The following UHRF2 variants were observed in gnomAD, a reference collection of about 807,000 sequenced individuals.
UHRF2 encodes the protein ubiquitin like with PHD and ring finger domains 2, also known as E3 ubiquitin-protein ligase UHRF2.
In UHRF2, 23 loss-of-function variants were observed where a neutral mutation model predicts 96.8. The observed-to-expected ratio is 0.24, with a 90% CI of 0.17 to 0.34. UHRF2 has a LOEUF of 0.34. Among genes scored for constraint, UHRF2 ranks in the 10% least tolerant of loss-of-function variants. UHRF2 has a pLI of 1.00. For missense variants in UHRF2, 685 were observed against 981.5 expected, an observed-to-expected ratio of 0.70 and a Z score of 4.04; for synonymous variants, 385 against 332.6, an observed-to-expected ratio of 1.16 and a Z score of -1.72.
At chr9:6,452,774 GC>G (rs1263199304) in intron 3 of UHRF2, among the ~76,000 whole-genome samples, 1 of 152,186 alleles carries the variant, frequency 6.6e-6, no homozygotes, top group African/African-American at 2.4e-5. Flanking sequence ...CATTTTGGAT[GC>G]TTTGCATTTG....
At chr9:6,451,414 T>C (rs566176526) in intron 3 of UHRF2, among the ~76,000 whole-genome samples, 2 of 152,270 alleles carry the variant, frequency 1.3e-5, no homozygotes, top group East Asian at 3.9e-4. Flanking sequence ...CTAAGAGAAA[T>C]TGAGCTTCCA....
intron 13 of UHRF2, 36 bp downstream of exon 13, chr9:6,499,967 A>G: frequency 7.0e-7 from 1 of 1,431,442 alleles, no homozygotes; most frequent in Non-Finnish European, 9.7e-7. Flanking sequence ...TAATAATAAC[A>G]TACTTTTGTT....
intron 3 of UHRF2, among the ~76,000 whole-genome samples, chr9:6,452,701 A>G (rs1236865188): frequency 6.6e-6 from 1 of 152,208 alleles, no homozygotes; most frequent in East Asian, 1.9e-4. Flanking sequence ...TACACTTCTA[A>G]GAGCATGAAG....
At chr9:6,420,421 A>G (rs1819861350) in intron 1 of UHRF2, among the ~76,000 whole-genome samples, 2 of 5,466 alleles carry the variant, frequency 3.7e-4, no homozygotes, top group South Asian at 0.019. Flanking sequence ...TTAAGAATTT[A>G]TGGCCGGGTG....
chr9:6,496,507 C>T (rs1032045209), intron 10 of UHRF2: 2 of 152,122 alleles, frequency 1.3e-5, no homozygotes. Context: ...GTACTACTTC[C>T]AATTCAGTGT....
At chr9:6,497,429 A>T (rs1468656198) in intron 11 of UHRF2, 69 bp downstream of exon 11, 6 of 1,561,540 alleles carry the variant, frequency 3.8e-6, no homozygotes, top group African/African-American at 2.7e-5. Context: ...TGTTGCAAGG[A>T]ACTACTGTGG....
rs572109414 is a variant in UHRF2, at chr9:6,488,398, T to C, written c.1497+1473T>C. The stretch of plus-strand genomic sequence containing the variant: ...TAGTACAATATCAGAACCAGGATAT[T>C]GACACTATACAGTCAGGCTGAACAT... On this transcript the variant is annotated intron_variant, in intron 9 of 15. Coordinates refer to ENST00000276893, the MANE Select transcript of UHRF2 (RefSeq NM_152896.3). Among the ~76,000 whole-genome samples, 476 of 150,896 alleles carry C rather than the reference T, an allele frequency of 3.2e-3. 1 individual carries two copies. The highest frequency in any genetic ancestry group is 5.2e-3 in the Non-Finnish European group (351 of 67,838).
Position 6,483,142 on chromosome 9 carries a change from A to G in UHRF2, c.1392+1043A>G, listed in dbSNP as rs945075615. Reference sequence around the variant, plus strand: ...GGAATTCAAAACCAGCCTCGCCAACATGGTGAGACCCATCTCTACTAAAAA... The same window carrying G: ...GGAATTCAAAACCAGCCTCGCCAACGTGGTGAGACCCATCTCTACTAAAAA... On this transcript the variant is annotated intron_variant, in intron 8 of 15. Coordinates refer to ENST00000276893, the MANE Select transcript of UHRF2 (RefSeq NM_152896.3). Among the ~76,000 whole-genome samples the G allele has an allele frequency of 4.0e-5, 6 of 151,746 alleles. No individual in the cohort carries two copies. The South Asian group carries it at 8.3e-4, about 21-fold the overall frequency.
chr9:6,471,463 G>C (rs1418492112), intron 4 of UHRF2, among the ~76,000 whole-genome samples: 1 of 152,104 alleles, frequency 6.6e-6, no homozygotes, highest in Non-Finnish European at 1.5e-5. Flanking sequence ...AATAGAATAT[G>C]GTGTAAGTGA....
intron 3 of UHRF2, among the ~76,000 whole-genome samples, chr9:6,450,545 T>C (rs1273839202): frequency 6.6e-6 from 1 of 152,208 alleles, no homozygotes; most frequent in Non-Finnish European, 1.5e-5. Flanking sequence ...ATAATACTTT[T>C]CTGTGGTAAG....
intron 8 of UHRF2, among the ~76,000 whole-genome samples, chr9:6,482,793 TC>T (rs1305576088): frequency 2.0e-5 from 3 of 152,088 alleles, no homozygotes; most frequent in African/African-American, 7.2e-5. Context: ...AGACGAGGTT[TC>T]ACCGTGTTAG....
At chr9:6,482,893 A>G (rs1824008002) in intron 8 of UHRF2, among the ~76,000 whole-genome samples, 1 of 152,078 alleles carries the variant, frequency 6.6e-6, no homozygotes, top group African/African-American at 2.4e-5. Context: ...CCTGGCTTTA[A>G]TTTTTATATT....
chr9:6,460,887 G>C (rs1399346091), intron 4 of UHRF2, 96 bp downstream of exon 4: 1 of 990,446 alleles, frequency 1.0e-6, no homozygotes, highest in African/African-American at 1.7e-5. Flanking sequence ...AAAAAAGATG[G>C]AGTCTATAAA....
At chr9:6,474,088 G>T (rs1434037354) in intron 4 of UHRF2, among the ~76,000 whole-genome samples, 1 of 152,168 alleles carries the variant, frequency 6.6e-6, no homozygotes, top group African/African-American at 2.4e-5. Flanking sequence ...TATAACTTCG[G>T]AGGACATGAA....
intron 8 of UHRF2, among the ~76,000 whole-genome samples, chr9:6,485,997 T>C (rs1197243563): frequency 6.6e-6 from 1 of 151,956 alleles, no homozygotes; most frequent in Non-Finnish European, 1.5e-5. Flanking sequence ...TGGGTAATAT[T>C]GAGTAGTTTT....
chr9:6,488,206 G>A (rs890477863), intron 9 of UHRF2, among the ~76,000 whole-genome samples: 19 of 130,984 alleles, frequency 1.5e-4, no homozygotes, highest in South Asian at 7.8e-4. Flanking sequence ...TCATGCCAGC[G>A]CAGCACTCCA....
intron 3 of UHRF2, among the ~76,000 whole-genome samples, chr9:6,437,024 C>T (rs1820891167): frequency 6.6e-6 from 1 of 152,012 alleles, no homozygotes; most frequent in African/African-American, 2.4e-5. Flanking sequence ...AAATAAGCTC[C>T]TGGATAAAAG....
chr9:6,506,244 G>T lies in UHRF2; in HGVS notation c.*65G>T. 1 of 1,586,504 alleles carries T rather than the reference G, an allele frequency of 6.3e-7. No homozygotes were observed. Among genetic ancestry groups the T allele is most frequent in the Non-Finnish European group, 8.6e-7 (1 of 1,164,238 alleles). The stretch of plus-strand genomic sequence containing the variant: ...GACAATAAAGAATCTAAAATGGGTG[G>T]GGAGGGTGGAAGAAATGGTGGACTG... On this transcript the variant is annotated 3_prime_UTR_variant, in exon 16 of 16. Transcript: ENST00000276893.
intron 11 of UHRF2, 113 bp from the exon 12 acceptor site, chr9:6,497,905 C>CA: frequency 7.5e-7 from 1 of 1,334,910 alleles, no homozygotes; most frequent in Non-Finnish European, 1.0e-6. Flanking sequence ...TACAGCAAAG[C>CA]AGAATATTCA....
Sources: gnomAD v4.1 joint callset for allele counts (sites outside exome capture counted in the v4.1 genomes callset) on GRCh38, gnomAD v4.1.1 for gene constraint, MANE v1.5 for transcripts, NCBI Gene and HGNC (gene_info 2026-07-23, HGNC 2026-07-21) for gene names.